The following ZNF609 variants were observed in gnomAD, a reference collection of about 807,000 sequenced individuals.
The protein encoded by ZNF609 is zinc finger protein 609.
Under a neutral mutation model 109.5 loss-of-function variants are expected in ZNF609, and 11 were observed. That is an observed-to-expected ratio of 0.10 (90% CI 0.06 to 0.17). The LOEUF is 0.17. Among genes scored for constraint, ZNF609 ranks in the 10% least tolerant of loss-of-function variants. The probability of loss-of-function intolerance (pLI) is 1.00; values close to 1 mark genes in which losing one functional copy is unlikely to be tolerated. For synonymous variants in ZNF609, 646 were observed against 662.0 expected (o/e 0.98, Z 0.37); for missense variants, 1,559 against 1,772.4 (o/e 0.88, Z 2.16).
chr15:64,564,190 C>T (rs936980317), intron 2 of ZNF609, among the ~76,000 whole-genome samples: 4 of 151,238 alleles, frequency 2.6e-5, no homozygotes, highest in African/African-American at 7.3e-5. Flanking sequence ...TTAGGCACTT[C>T]GTAGCTGTGT....
chr15:64,659,699 G>C (rs900262897), intron 3 of ZNF609, among the ~76,000 whole-genome samples: 2 of 152,104 alleles, frequency 1.3e-5, no homozygotes, highest in Admixed American at 1.3e-4. Flanking sequence ...ATTGTATCTA[G>C]AATAATGACC....
chr15:64,596,533 A>T (rs1354775531), intron 2 of ZNF609, among the ~76,000 whole-genome samples: 1 of 152,136 alleles, frequency 6.6e-6, no homozygotes, highest in African/African-American at 2.4e-5. Flanking sequence ...CTTCACATGG[A>T]TGGCTCCTTC....
intron 2 of ZNF609, among the ~76,000 whole-genome samples, chr15:64,618,577 G>A (rs187467370): frequency 4.1e-4 from 62 of 152,244 alleles, no homozygotes; most frequent in Middle Eastern, 3.4e-3. Context: ...TGAGTGTAAG[G>A]TTTTATTGAG....
chr15:64,584,576 A>G (rs1346401116), intron 2 of ZNF609, among the ~76,000 whole-genome samples: 1 of 152,072 alleles, frequency 6.6e-6, no homozygotes, highest in South Asian at 2.1e-4. Context: ...CTGGGATTAC[A>G]GGAATGAGCC....
intron 3 of ZNF609, among the ~76,000 whole-genome samples, chr15:64,658,318 C>G (rs897459718): frequency 2.6e-5 from 4 of 152,144 alleles, no homozygotes; most frequent in South Asian, 2.1e-4. Flanking sequence ...CTGTCTCAGC[C>G]TCCCGAGTAG....
chr15:64,503,076 A>G (rs1005471454), intron 2 of ZNF609: 4 of 148,674 alleles, frequency 2.7e-5, no homozygotes, highest in South Asian at 2.1e-4. Flanking sequence ...AAAAAAAAGA[A>G]AGAGAGAAAT....
chr15:64,609,147 TTCTC>T (rs1895673471), intron 2 of ZNF609, among the ~76,000 whole-genome samples: 1 of 149,698 alleles, frequency 6.7e-6, no homozygotes, highest in South Asian at 2.1e-4. Flanking sequence ...TTTCTTTTTT[TTCTC>T]TCTCTCTCTT....
chr15:64,651,418 A>G lies in ZNF609; in HGVS notation c.974-18928A>G, dbSNP rs74399226. The stretch of plus-strand genomic sequence containing the variant: ...ATGCCATATAATTGTGAACTGAAAG[A>G]GATCACTTTTGGCTAAATTATAGAG... On this transcript the variant is annotated intron_variant, in intron 3 of 9. Coordinates refer to ENST00000326648, the MANE Select transcript of ZNF609 (RefSeq NM_015042.2). Among the ~76,000 whole-genome samples the G allele has an allele frequency of 8.9e-3, 1,354 of 152,346 alleles. 24 individuals are homozygous for G. Among genetic ancestry groups the G allele is most frequent in the African/African-American group, 0.031 (1,287 of 41,572 alleles).
At chr15:64,529,090 A>G in intron 2 of ZNF609, 1 of 940,690 alleles carries the variant, frequency 1.1e-6, no homozygotes. Context: ...ATCACGTGAC[A>G]GTTTCCCGGA....
chr15:64,663,498 C>T (rs535666418), intron 3 of ZNF609, among the ~76,000 whole-genome samples: 96 of 152,136 alleles, frequency 6.3e-4, no homozygotes, highest in African/African-American at 2.2e-3. Flanking sequence ...TCCATTTAGA[C>T]GTCCAATGGA....
At chr15:64,587,367 T>A (rs1483080790) in intron 2 of ZNF609, among the ~76,000 whole-genome samples, 1 of 95,770 alleles carries the variant, frequency 1.0e-5, no homozygotes, top group African/African-American at 3.3e-5. Context: ...ATATCTGTAG[T>A]ACCTAGCAGC....
rs559035889 is a variant in ZNF609 at position 64,573,339 on chromosome 15, C to T, written c.748-49488C>T. Among the ~76,000 whole-genome samples, 190 of 108,910 alleles carry T rather than the reference C, an allele frequency of 1.7e-3. 2 individuals carry two copies. The highest frequency in any genetic ancestry group is 4.1e-3 in the Admixed American group (38 of 9,360). 71.4% of individuals were successfully genotyped at this position (108,910 alleles called of 152,430 possible). A position where few individuals can be genotyped will look rare whatever the true frequency, so the allele number is the denominator to read the frequency against. On this transcript the variant is annotated intron_variant, in intron 2 of 9. Coordinates refer to ENST00000326648, the MANE Select transcript of ZNF609 (RefSeq NM_015042.2). The stretch of plus-strand genomic sequence containing the variant: ...TAATTCTGCAGTAGAGTTAGTGGCC[C>T]AACTTTCTTTTTTTTTTTTTTTTTT...
At chr15:64,474,576 C>CT (rs1357540915) in intron 1 of ZNF609, among the ~76,000 whole-genome samples, 1 of 151,896 alleles carries the variant, frequency 6.6e-6, no homozygotes, top group Non-Finnish European at 1.5e-5. Context: ...TGGTTATTGC[C>CT]TTTTTTTGTA....
intron 2 of ZNF609, among the ~76,000 whole-genome samples, chr15:64,607,498 C>A (rs1258611107): frequency 6.7e-6 from 1 of 148,458 alleles, no homozygotes; most frequent in Non-Finnish European, 1.5e-5. Flanking sequence ...TAACTTAAGG[C>A]ATACTTTTTT....
chr15:64,642,127 CTAA>C (rs982736568), intron 3 of ZNF609, among the ~76,000 whole-genome samples: 4 of 152,178 alleles, frequency 2.6e-5, no homozygotes, highest in Non-Finnish European at 5.9e-5. Context: ...AGCATTCTCT[CTAA>C]TAATTTGCAT....
chr15:64,593,562 T>G (rs1187118091), intron 2 of ZNF609, among the ~76,000 whole-genome samples: 1 of 152,224 alleles, frequency 6.6e-6, no homozygotes, highest in African/African-American at 2.4e-5. Context: ...GGTCTTGTTC[T>G]CTCGCCCAGG....
chr15:64,555,624 C>G (rs1452771802), intron 2 of ZNF609, among the ~76,000 whole-genome samples: 1 of 151,706 alleles, frequency 6.6e-6, no homozygotes, highest in African/African-American at 2.4e-5. Context: ...TGCTTTACGC[C>G]TGTAATCCCA....
intron 2 of ZNF609, among the ~76,000 whole-genome samples, chr15:64,518,286 A>G (rs1893843632): frequency 6.6e-6 from 1 of 152,200 alleles, no homozygotes; most frequent in Non-Finnish European, 1.5e-5. Context: ...ATAAGCAGGA[A>G]TTAGACAGGT....
chr15:64,611,557 C>T (rs1280106901), intron 2 of ZNF609, among the ~76,000 whole-genome samples: 1 of 152,056 alleles, frequency 6.6e-6, no homozygotes, highest in African/African-American at 2.4e-5. Context: ...CTGCTGTCTC[C>T]TCTTTAGCAG....
Sources: allele counts gnomAD v4.1 joint callset (sites outside exome capture counted in the v4.1 genomes callset), GRCh38; gene constraint gnomAD v4.1.1; transcripts MANE v1.5; gene names NCBI Gene and HGNC (gene_info 2026-07-23, HGNC 2026-07-21).